Variants in ARHGEF17 observed in about 807,000 individuals in gnomAD.
ARHGEF17 encodes the protein 164 kDa Rho-specific guanine-nucleotide exchange factor.
ARHGEF17 carries 80 observed loss-of-function variants against 174.0 expected under a neutral mutation model. That is an observed-to-expected ratio of 0.46 (90% CI 0.38 to 0.55). The LOEUF is 0.55. Ranked by LOEUF, ARHGEF17 falls within the 20% of genes least tolerant of loss-of-function variation. ARHGEF17 has a pLI of 0.00. For synonymous variants in ARHGEF17, 1,311 were observed against 1,189.1 expected, an observed-to-expected ratio of 1.10 and a Z score of -2.11; for missense variants, 2,886 against 2,839.7, an observed-to-expected ratio of 1.02 and a Z score of -0.37.
intron 1 of ARHGEF17, among the ~76,000 whole-genome samples, chr11:73,346,392 C>T (rs1865460925): frequency 6.6e-6 from 1 of 152,180 alleles, no homozygotes; most frequent in Non-Finnish European, 1.5e-5. Context: ...ACAGTGTCTT[C>T]CTCTGTAGCA....
At chr11:73,312,346 A>C (rs752136714) in intron 1 of ARHGEF17, among the ~76,000 whole-genome samples, 9 of 151,984 alleles carry the variant, frequency 5.9e-5, no homozygotes, top group Non-Finnish European at 1.0e-4. Context: ...TGGGCCTGGG[A>C]GAATTGGGGA....
intron 1 of ARHGEF17, among the ~76,000 whole-genome samples, chr11:73,317,441 C>A (rs1359703370): frequency 6.6e-6 from 1 of 152,208 alleles, no homozygotes; most frequent in Non-Finnish European, 1.5e-5. Context: ...TGGGATTTGG[C>A]TCCCAGTGTC....
chr11:73,329,350 TATATATATATATA>T (rs1865157575), intron 1 of ARHGEF17, among the ~76,000 whole-genome samples: 3 of 42,374 alleles, frequency 7.1e-5, no homozygotes, highest in Non-Finnish European at 1.3e-4. Flanking sequence ...TATATATATA[TATATATATATATA>T]TATATATATA....
At chr11:73,335,778 C>G (rs901510447) in intron 1 of ARHGEF17, among the ~76,000 whole-genome samples, 1 of 152,196 alleles carries the variant, frequency 6.6e-6, no homozygotes, top group Non-Finnish European at 1.5e-5. Flanking sequence ...ACCCCCACCA[C>G]CTCTGCTGCC....
In ARHGEF17 at chr11:73,368,536, G is replaced by T. The variant is rs1865880159; in HGVS notation, c.*756G>T. The T allele has an allele frequency of 6.6e-6, 1 of 152,262 alleles. No homozygotes were observed. Among genetic ancestry groups the T allele is most frequent in the South Asian group, 2.1e-4 (1 of 4,828 alleles). 9.4% of individuals were successfully genotyped at this position (152,262 alleles called of 1,614,324 possible). On this transcript the variant is annotated 3_prime_UTR_variant, in exon 21 of 21. Transcript: ENST00000263674. ...GTCAGGCTTTGTCATTTCCCAGTTT[G>T]TTGGTGGTGCCTTTAGTGGTTCCCT...
At chr11:73,343,121 G>A in intron 1 of ARHGEF17, 1 of 163,834 alleles carries the variant, frequency 6.1e-6, no homozygotes, top group Non-Finnish European at 1.3e-5. Flanking sequence ...CGGCGCCCCC[G>A]CCCCAGCGGC....
In ARHGEF17 at chr11:73,310,608, C is replaced by T. The variant is rs1591714188; in HGVS notation, c.1970C>T (p.Ala657Val). 3 of 1,614,166 alleles carry T rather than the reference C, an allele frequency of 1.9e-6. No individual in the cohort carries two copies. Among genetic ancestry groups the T allele is most frequent in the African/African-American group, 1.3e-5 (1 of 75,052 alleles). Reference protein sequence around the residue: ...GIGADPEPPVAAFCGLGTTGM... With the variant: ...GIGADPEPPVVAFCGLGTTGM... ...GGGGCAGACCCTGAGCCTCCTGTTG[C>T]AGCATTTTGCGGCCTGGGTACCACA... is the stretch of plus-strand genomic sequence containing the variant. The change falls in exon 1 of 21, where the codon GCA becomes GTA. Residue 657 changes from alanine (A) to valine (V), a missense_variant. By Grantham distance (64) the Ala-to-Val change is moderately conservative. Around this residue, in one of 4 missense-constraint regions of ARHGEF17, gnomAD observed 1,728 missense variants for 1,461.2 expected, o/e 1.18. Transcript: ENST00000263674.
At position 73,353,315 on chromosome 11, in the gene ARHGEF17, C is replaced by T. The variant is rs144042273; in HGVS notation, c.3453+303C>T. 1.8e-3 allele frequency: 782 copies of T among 440,858 alleles called. 3 individuals carry two copies. Among genetic ancestry groups the T allele is most frequent in the Middle Eastern group, 5.7e-3 (9 of 1,578 alleles). The allele number at this position is 440,858 out of a possible 1,614,324, so 27.3% of individuals were successfully genotyped here. On this transcript the variant is annotated intron_variant, in intron 3 of 20. Coordinates refer to ENST00000263674, the MANE Select transcript of ARHGEF17 (RefSeq NM_014786.4). ...GCACTGACGTGACTCTAGTCCTGACCCCAAGCTGGTGCGGACGCTGACCCA... is the reference window on the plus strand; with the variant it reads ...GCACTGACGTGACTCTAGTCCTGACTCCAAGCTGGTGCGGACGCTGACCCA...
At chr11:73,333,849 C>T (rs1217825993) in intron 1 of ARHGEF17, among the ~76,000 whole-genome samples, 1 of 152,204 alleles carries the variant, frequency 6.6e-6, no homozygotes, top group Admixed American at 6.5e-5. Context: ...TGAGACATTT[C>T]CTCTTTGAGC....
At chr11:73,364,906 A>G in intron 18 of ARHGEF17, 1 of 359,240 alleles carries the variant, frequency 2.8e-6, no homozygotes, top group Non-Finnish European at 5.0e-6. Flanking sequence ...TGATGTCAAC[A>G]TCCATTAGCA....
chr11:73,311,763 C>T lies in ARHGEF17; in HGVS notation c.3125C>T (p.Pro1042Leu), dbSNP rs780645539. Residue 1042 changes from proline to leucine, a missense_variant, in exon 1 of 21, where the codon CCC becomes CTC. Physicochemically the swap from Pro to Leu is moderately conservative, Grantham distance 98. Coordinates refer to ENST00000263674, the MANE Select transcript of ARHGEF17 (RefSeq NM_014786.4). The part of the protein sequence containing the change: ...LAAPPSAEAK[P>L]PEAARPADEP... ...GCACCGCCCTCTGCTGAGGCCAAGCCCCCTGAGGCAGCTCGGCCTGCAGAT... is the reference window on the plus strand; with the variant it reads ...GCACCGCCCTCTGCTGAGGCCAAGCTCCCTGAGGCAGCTCGGCCTGCAGAT... 5 of 1,612,514 alleles carry T rather than the reference C, an allele frequency of 3.1e-6. No individual in the cohort carries two copies. The highest frequency in any genetic ancestry group is 1.7e-5 in the Admixed American group (1 of 59,990).
rs1864757312 is a variant in ARHGEF17 at position 73,309,237 on chromosome 11, C to T, written c.599C>T (p.Pro200Leu). ...GPETEGRLRR[P>L]QQQQERAQRP... is the part of the protein sequence containing the mutation. ...GAGACCGAAGGGAGGCTGCGCCGGC[C>T]GCAGCAGCAACAGGAGCGGGCGCAG... Residue 200 changes from proline to leucine, a missense_variant, in exon 1 of 21, where the codon CCG becomes CTG. Pro to Leu is a moderately conservative substitution (Grantham distance 98). This residue lies in a region of ARHGEF17 where 1,728 missense variants were observed against 1,461.2 expected (regional missense o/e 1.18). Coordinates refer to ENST00000263674, the MANE Select transcript of ARHGEF17 (RefSeq NM_014786.4). 1.2e-6 allele frequency: 2 copies of T among 1,604,102 alleles called. No individual in the cohort carries two copies. Among genetic ancestry groups the T allele is most frequent in the African/African-American group, 1.3e-5 (1 of 74,306 alleles).
chr11:73,311,660 A>G lies in ARHGEF17; in HGVS notation c.3022A>G (p.Lys1008Glu), dbSNP rs1406718520. The G allele has an allele frequency of 6.2e-7, 1 of 1,613,408 alleles. No individual in the cohort carries two copies. The highest frequency in any genetic ancestry group is 8.5e-7 in the Non-Finnish European group (1 of 1,180,004). ...GGCACCATCGCTCGAGGACGTCACC[A>G]AGCAGTACATGCTGAACCTGCACTC... ...LQAPSLEDVTKQYMLNLHSGE... is the reference protein window; with the variant it reads ...LQAPSLEDVTEQYMLNLHSGE... The change falls in exon 1 of 21, where the codon AAG (lysine) becomes GAG (glutamate). Residue 1008 changes from lysine (K) to glutamate (E), a missense_variant. Physicochemically the swap from Lys to Glu is moderately conservative, Grantham distance 56. Around this residue, in one of 4 missense-constraint regions of ARHGEF17, gnomAD observed 1,728 missense variants for 1,461.2 expected, o/e 1.18. Coordinates refer to ENST00000263674, the MANE Select transcript of ARHGEF17 (RefSeq NM_014786.4).
Position 73,352,985 on chromosome 11 carries a change from G to A in ARHGEF17, c.3426G>A (p.Gln1142=). 2 of 1,614,012 alleles carry A rather than the reference G, an allele frequency of 1.2e-6. No homozygotes were observed. Among genetic ancestry groups the A allele is most frequent in the Non-Finnish European group, 1.7e-6 (2 of 1,180,044 alleles). Residue 1142 remains glutamine (Q), a synonymous_variant, in exon 3 of 21, where the codon CAG becomes CAA. Transcript: ENST00000263674. The stretch of plus-strand genomic sequence containing the variant: ...GCATGCAGACCTGGCATGCCCAGCA[G>A]AAGGTGGGAGCCCTGCTCGTCCAGT... ...RHCMQTWHAQ[Q]KVGALLVQSF... is the part of the protein sequence containing the mutation.
chr11:73,366,119 T>TTGTG lies in ARHGEF17; in HGVS notation c.5995+191_5995+194dup, dbSNP rs111678539. On this transcript the variant is annotated intron_variant, in intron 20 of 20. Coordinates refer to ENST00000263674, the MANE Select transcript of ARHGEF17 (RefSeq NM_014786.4). Reference sequence around the variant, plus strand: ...AGTGTCCAAATGAAATCTAGGATAGTTGTGTGTGTGTGTGTGTGTGTGCGC... The same window carrying TTGTG: ...AGTGTCCAAATGAAATCTAGGATAGTTGTGTGTGTGTGTGTGTGTGTGTGTGCGC... Among the ~76,000 whole-genome samples, 271 of 150,188 alleles carry TTGTG rather than the reference T, an allele frequency of 1.8e-3. 2 individuals are homozygous for TTGTG. The highest frequency in any genetic ancestry group is 1.5e-3 in the Non-Finnish European group (99 of 67,348).
chr11:73,326,263 GC>G (rs1865100283), intron 1 of ARHGEF17, among the ~76,000 whole-genome samples: 1 of 152,328 alleles, frequency 6.6e-6, no homozygotes, highest in East Asian at 1.9e-4. Flanking sequence ...GCAGAAATGA[GC>G]CAAGGCCCTT....
rs759596749 is a variant in ARHGEF17 at position 73,310,646 on chromosome 11, C to T, written c.2008C>T (p.Pro670Ser). The T allele has an allele frequency of 1.3e-5, 21 of 1,613,968 alleles. No homozygotes were observed. The highest frequency in any genetic ancestry group is 1.6e-5 in the Non-Finnish European group (19 of 1,180,034). Reference protein sequence around the residue: ...CGLGTTGMWRPLSSSSAQTNH... With the variant: ...CGLGTTGMWRSLSSSSAQTNH... ...CCTGGGTACCACAGGGATGTGGCGA[C>T]CTCTTTCCTCATCCTCGGCCCAGAC... Residue 670 changes from proline (P) to serine (S), a missense_variant, in exon 1 of 21, where the codon CCT (proline) becomes TCT (serine). Physicochemically the swap from Pro to Ser is moderately conservative, Grantham distance 74. This residue lies in a region of ARHGEF17 where 1,728 missense variants were observed against 1,461.2 expected (regional missense o/e 1.18). Transcript: ENST00000263674.
intron 6 of ARHGEF17, 178 bp from the exon 7 acceptor site, chr11:73,356,531 C>T (rs1180982870): frequency 8.1e-6 from 9 of 1,113,786 alleles, no homozygotes; most frequent in African/African-American, 3.1e-5. Context: ...TCTGTTCTTC[C>T]ACGTCTGTCT....
chr11:73,342,285 G>C (rs907853874), intron 1 of ARHGEF17, among the ~76,000 whole-genome samples: 5 of 152,076 alleles, frequency 3.3e-5, no homozygotes, highest in East Asian at 1.9e-4. Flanking sequence ...GGACAAGCTG[G>C]ATCCGGGCAG....
Sources: allele counts gnomAD v4.1 joint callset (sites outside exome capture counted in the v4.1 genomes callset), GRCh38; gene constraint gnomAD v4.1.1; regional missense constraint gnomAD v4.1.1; transcripts MANE v1.5; gene names NCBI Gene and HGNC (gene_info 2026-07-23, HGNC 2026-07-21).